FIRRM: variants seen among roughly 807,000 people sequenced by gnomAD.
FIRRM encodes the protein FIGNL1 interacting regulator of recombination and mitosis.
chr1:169,789,656 C>T, the FIRRM span, among the ~76,000 whole-genome samples: 2 of 152,100 alleles, frequency 1.3e-5, no homozygotes, highest in Admixed American at 1.3e-4. Context: ...CCAAAAAAGA[C>T]AATTTAGGAA....
the FIRRM span, among the ~76,000 whole-genome samples, chr1:169,836,334 G>A: frequency 6.6e-6 from 1 of 152,042 alleles, no homozygotes; most frequent in Admixed American, 6.6e-5. Flanking sequence ...GTACTTTTCT[G>A]TTAACCTAGT....
chr1:169,807,893 A>G, the FIRRM span: 1 of 1,609,412 alleles, frequency 6.2e-7, no homozygotes, highest in African/African-American at 1.3e-5. Context: ...ATTCTTGTTT[A>G]CAGTTAGCTG....
the FIRRM span, among the ~76,000 whole-genome samples, chr1:169,786,215 G>A: frequency 2.6e-5 from 4 of 152,132 alleles, no homozygotes; most frequent in African/African-American, 9.7e-5. Context: ...AGGCTTGGAT[G>A]TATTTCCTGT....
the FIRRM span, among the ~76,000 whole-genome samples, chr1:169,801,597 CAA>C: frequency 1.5e-3 from 187 of 124,394 alleles, no homozygotes; most frequent in East Asian, 4.4e-3. Flanking sequence ...ACCCTTAATT[CAA>C]AAAAAAAAAA....
the FIRRM span, among the ~76,000 whole-genome samples, chr1:169,801,486 T>G: frequency 6.7e-6 from 1 of 149,694 alleles, no homozygotes. Flanking sequence ...ATTTTCAGAT[T>G]GTGTGGTTCC....
the FIRRM span, among the ~76,000 whole-genome samples, chr1:169,786,632 A>G: frequency 6.6e-5 from 10 of 152,278 alleles, no homozygotes; most frequent in East Asian, 1.5e-3. Context: ...CGCACCATCT[A>G]GTTTACAGAA....
chr1:169,833,890 G>A, the FIRRM span, among the ~76,000 whole-genome samples: 2 of 127,552 alleles, frequency 1.6e-5, no homozygotes, highest in East Asian at 4.5e-4. Context: ...ACAGGGTCTG[G>A]TTATGTTGCC....
the FIRRM span, among the ~76,000 whole-genome samples, chr1:169,787,314 T>C: frequency 1.3e-5 from 2 of 152,210 alleles, no homozygotes. Context: ...GCTTCTGGGC[T>C]TTCTCTTATG....
the FIRRM span, chr1:169,852,157 A>AG: frequency 1.6e-6 from 1 of 606,824 alleles, no homozygotes; most frequent in South Asian, 2.0e-5. Flanking sequence ...AATTATTGGT[A>AG]GTAACCTTTA....
chr1:169,819,253 A>G, the FIRRM span, among the ~76,000 whole-genome samples: 2 of 152,122 alleles, frequency 1.3e-5, no homozygotes, highest in Non-Finnish European at 2.9e-5. Flanking sequence ...TCAGCCCATC[A>G]CTCATGGGAG....
the FIRRM span, chr1:169,802,764 C>T: frequency 7.6e-7 from 1 of 1,310,372 alleles, no homozygotes; most frequent in Non-Finnish European, 1.1e-6. Context: ...AGAGAGGGAG[C>T]TTAAAGAATG....
At chr1:169,821,772 T>A in the FIRRM span, 9 of 1,520,536 alleles carry the variant, frequency 5.9e-6, no homozygotes, top group South Asian at 1.1e-4. Context: ...AAGGCTTTAT[T>A]ATACGTTACT....
the FIRRM span, among the ~76,000 whole-genome samples, chr1:169,809,607 A>G: frequency 6.6e-6 from 1 of 152,206 alleles, no homozygotes; most frequent in Non-Finnish European, 1.5e-5. Flanking sequence ...TACATAAAGT[A>G]TATCTTCAGT....
the FIRRM span, among the ~76,000 whole-genome samples, chr1:169,808,787 C>T: frequency 5.9e-5 from 9 of 151,872 alleles, no homozygotes; most frequent in Admixed American, 4.6e-4. Flanking sequence ...TTAGTAGAGA[C>T]GGGGTTTCGC....
chr1:169,792,499 T>C, the FIRRM span: 2 of 1,289,640 alleles, frequency 1.6e-6, no homozygotes, highest in Non-Finnish European at 2.1e-6. Flanking sequence ...TCAGAAAAAA[T>C]AATAGCAAAA....
the FIRRM span, chr1:169,852,862 G>C: frequency 6.2e-7 from 1 of 1,614,150 alleles, no homozygotes; most frequent in Admixed American, 1.7e-5. Context: ...TACAATAGCA[G>C]GGGCTTTGGA....
chr1:169,848,809 A>G, the FIRRM span, among the ~76,000 whole-genome samples: 5 of 152,358 alleles, frequency 3.3e-5, 1 homozygote, highest in South Asian at 1.0e-3. Flanking sequence ...TTATAAGCAG[A>G]AATCGCAGTG....
the FIRRM span, chr1:169,802,714 A>G: frequency 6.2e-7 from 1 of 1,603,880 alleles, no homozygotes; most frequent in Non-Finnish European, 8.5e-7. Flanking sequence ...CACTCTAAGG[A>G]ATATTTTACA....
At chr1:169,785,320 C>T in the FIRRM span, among the ~76,000 whole-genome samples, 1 of 152,214 alleles carries the variant, frequency 6.6e-6, no homozygotes, top group Non-Finnish European at 1.5e-5. Context: ...GCATGTGTTA[C>T]AGTGCACTCT....
Sources: allele counts gnomAD v4.1 joint callset (sites outside exome capture counted in the v4.1 genomes callset), GRCh38; gene constraint gnomAD v4.1.1; transcripts MANE v1.5; gene names NCBI Gene and HGNC (gene_info 2026-07-23, HGNC 2026-07-21).